LHFPL2: variants seen among roughly 807,000 people sequenced by gnomAD.
LHFPL2 encodes the protein LHFPL tetraspan subfamily member 2 protein.
In LHFPL2, 7 loss-of-function variants were observed where a neutral mutation model predicts 17.5. The ratio of observed to expected loss-of-function variants is 0.40; its 90% CI spans 0.23 to 0.75. The LOEUF is 0.75. Among genes scored for constraint, LHFPL2 ranks in the 30% least tolerant of loss-of-function variants. The pLI, the probability that LHFPL2 is intolerant of heterozygous loss-of-function variation, is 0.37. For missense variants in LHFPL2, 241 were observed against 294.8 expected (o/e 0.82, Z 1.34); for synonymous variants, 134 against 116.2 (o/e 1.15, Z -0.99).
intron 3 of LHFPL2, among the ~76,000 whole-genome samples, chr5:78,558,426 G>A (rs1756638824): frequency 6.6e-6 from 1 of 152,232 alleles, no homozygotes; most frequent in South Asian, 2.1e-4. Context: ...AATGACAACA[G>A]GAGTACCAAC....
At chr5:78,530,299 A>G (rs891160264) in intron 3 of LHFPL2, among the ~76,000 whole-genome samples, 2 of 152,264 alleles carry the variant, frequency 1.3e-5, no homozygotes, top group Non-Finnish European at 2.9e-5. Flanking sequence ...TAGTATTTAA[A>G]AACAGAAAAT....
chr5:78,644,327 G>C lies in LHFPL2; in HGVS notation c.-350+4172C>G. 2.4e-6 allele frequency: 3 copies of C among 1,226,130 alleles called. No homozygotes were observed. In the South Asian group the frequency reaches 3.9e-5, roughly 16 times the overall value. The allele number at this position is 1,226,130 out of a possible 1,614,324, so 76.0% of individuals were successfully genotyped here. On this transcript the variant is annotated intron_variant, in intron 1 of 4. Coordinates refer to ENST00000380345, the MANE Select transcript of LHFPL2 (RefSeq NM_005779.3). ...TCTTTTTCTTGCTTTTTTCAGCCTT[G>C]ACAACTCACTTTTTTGCTGCATCAG...
rs1755694411 is a variant in LHFPL2, at chr5:78,528,753, G to A, written c.-185-18355C>T. Among the ~76,000 whole-genome samples the A allele has an allele frequency of 2.0e-5, 3 of 152,238 alleles. No individual in the cohort carries two copies. In the South Asian group the frequency reaches 6.2e-4, roughly 32 times the overall value. On this transcript the variant is annotated intron_variant, in intron 3 of 4. Transcript: ENST00000380345. ...ACAGCTGTCAGGTAGGTGCTATTATGTTTCACAAATAGGAAACTGAGGCAA... is the reference window on the plus strand; with the variant it reads ...ACAGCTGTCAGGTAGGTGCTATTATATTTCACAAATAGGAAACTGAGGCAA...
intron 3 of LHFPL2, among the ~76,000 whole-genome samples, chr5:78,548,754 G>A (rs190432289): frequency 7.9e-5 from 12 of 152,214 alleles, no homozygotes; most frequent in African/African-American, 2.6e-4. Flanking sequence ...CACGCACCCT[G>A]GGATTAAATG....
intron 2 of LHFPL2, among the ~76,000 whole-genome samples, chr5:78,576,362 T>G (rs1040385207): frequency 6.6e-6 from 1 of 152,054 alleles, no homozygotes; most frequent in Admixed American, 6.5e-5. Context: ...TCTTCATAAA[T>G]TACCCACGAA....
chr5:78,527,236 C>T (rs577167997), intron 3 of LHFPL2, among the ~76,000 whole-genome samples: 2 of 152,170 alleles, frequency 1.3e-5, no homozygotes, highest in Admixed American at 1.3e-4. Flanking sequence ...TAACATGGGG[C>T]CAAACGCCTT....
chr5:78,615,748 G>C (rs1341713641), intron 2 of LHFPL2, among the ~76,000 whole-genome samples: 1 of 152,168 alleles, frequency 6.6e-6, no homozygotes, highest in Admixed American at 6.5e-5. Context: ...ACTATCATAA[G>C]GGAGCCACTC....
chr5:78,644,023 T>G (rs1226640998), intron 1 of LHFPL2, among the ~76,000 whole-genome samples: 2 of 152,108 alleles, frequency 1.3e-5, no homozygotes, highest in Non-Finnish European at 2.9e-5. Flanking sequence ...GATCATGCCA[T>G]TGTACTCCAG....
At chr5:78,508,109 T>C (rs767874664) in intron 4 of LHFPL2, among the ~76,000 whole-genome samples, 29 of 152,090 alleles carry the variant, frequency 1.9e-4, no homozygotes, top group Non-Finnish European at 3.2e-4. Flanking sequence ...GGGAGAGTCA[T>C]CTTCAGAAGT....
intron 2 of LHFPL2, among the ~76,000 whole-genome samples, chr5:78,574,254 C>T (rs994876840): frequency 1.3e-5 from 2 of 152,186 alleles, no homozygotes; most frequent in Non-Finnish European, 1.5e-5. Flanking sequence ...CTGTTAAAGA[C>T]GTGGGGAGGG....
chr5:78,600,846 G>A lies in LHFPL2; in HGVS notation c.-245+31418C>T, dbSNP rs182007812. Among the ~76,000 whole-genome samples, 34 of 152,288 alleles carry A rather than the reference G, an allele frequency of 2.2e-4. 1 individual carries two copies. Among genetic ancestry groups the A allele is most frequent in the Admixed American group, 2.2e-3 (33 of 15,292 alleles). On this transcript the variant is annotated intron_variant, in intron 2 of 4. Transcript: ENST00000380345. ...AGGAAGTTGGTAACTAAAGTCAAAG[G>A]TTCTGGCTGAGAAAACACTTTCCAC...
intron 2 of LHFPL2, among the ~76,000 whole-genome samples, chr5:78,603,327 C>G (rs1561360705): frequency 6.6e-6 from 1 of 152,198 alleles, no homozygotes; most frequent in Non-Finnish European, 1.5e-5. Flanking sequence ...CTACAGCAAG[C>G]AAAGTCTCAA....
chr5:78,633,940 T>C (rs1745339138), intron 1 of LHFPL2, among the ~76,000 whole-genome samples: 1 of 152,070 alleles, frequency 6.6e-6, no homozygotes, highest in Non-Finnish European at 1.5e-5. Context: ...GAAGGCTCCA[T>C]GTGGTTTTAT....
At position 78,486,407 on chromosome 5, in the gene LHFPL2, G is replaced by A. The variant is rs992002687; in HGVS notation, c.*2490C>T. 4 of 152,150 alleles carry A rather than the reference G, an allele frequency of 2.6e-5. No homozygotes were observed. The highest frequency in any genetic ancestry group is 9.7e-5 in the African/African-American group (4 of 41,432). The allele number at this position is 152,150 out of a possible 1,614,324, so 9.4% of individuals were successfully genotyped here. On this transcript the variant is annotated 3_prime_UTR_variant, in exon 5 of 5. Coordinates refer to ENST00000380345, the MANE Select transcript of LHFPL2 (RefSeq NM_005779.3). ...TCCTATTTATTAGAAAAATAAGTGT[G>A]AGCCAACAATCTATTTTTAACATTT...
intron 3 of LHFPL2, 147 bp from the exon 4 acceptor site, chr5:78,510,545 C>CT (rs1755085797): frequency 9.0e-6 from 3 of 335,152 alleles, no homozygotes; most frequent in Non-Finnish European, 1.6e-5. Flanking sequence ...GGTTGTTGCA[C>CT]TGGCTGCGTT....
Position 78,548,151 on chromosome 5 carries a change from G to A in LHFPL2, c.-186+16662C>T, listed in dbSNP as rs538138057. Among the ~76,000 whole-genome samples, 14 of 152,348 alleles carry A rather than the reference G, an allele frequency of 9.2e-5. No individual in the cohort carries two copies. The South Asian group carries it at 1.9e-3, about 20-fold the overall frequency. ...CTTCCCAACTCACTCTGGCCAGCAC[G>A]GCTGTAGCATGACTGTCACGATCCT... On this transcript the variant is annotated intron_variant, in intron 3 of 4. Transcript: ENST00000380345.
At chr5:78,529,638 G>A (rs897090330) in intron 3 of LHFPL2, among the ~76,000 whole-genome samples, 2 of 130,582 alleles carry the variant, frequency 1.5e-5, no homozygotes, top group African/African-American at 2.7e-5. Context: ...GCGAGACTCC[G>A]TCTCAAAAAA....
chr5:78,527,368 T>G (rs867490112), intron 3 of LHFPL2, among the ~76,000 whole-genome samples: 5 of 147,544 alleles, frequency 3.4e-5, no homozygotes, highest in South Asian at 2.2e-4. Context: ...GAGGAGTTTT[T>G]TTTTTTTTTT....
intron 2 of LHFPL2, among the ~76,000 whole-genome samples, chr5:78,596,443 C>A (rs768712044): frequency 6.6e-6 from 1 of 152,094 alleles, no homozygotes; most frequent in Non-Finnish European, 1.5e-5. Flanking sequence ...CACAAAGTTC[C>A]AAGAATATTT....
Sources: allele counts gnomAD v4.1 joint callset (sites outside exome capture counted in the v4.1 genomes callset), GRCh38; gene constraint gnomAD v4.1.1; transcripts MANE v1.5; gene names NCBI Gene and HGNC (gene_info 2026-07-23, HGNC 2026-07-21).